Variants in STYXL2 observed in about 807,000 individuals in gnomAD.
STYXL2 encodes serine/threonine/tyrosine interacting like 2, also known as serine/threonine/tyrosine-interacting-like protein 2.
A neutral mutation model predicts 52.4 loss-of-function variants in STYXL2; 44 were observed. The observed-to-expected ratio is 0.84, with a 90% CI of 0.66 to 1.08. The LOEUF (loss-of-function observed/expected upper bound fraction) is 1.08. Among genes scored for constraint, STYXL2 ranks in the 50% least tolerant of loss-of-function variants. STYXL2 has a pLI of 0.00. For synonymous variants in STYXL2, 604 were observed against 586.9 expected (o/e 1.03, Z -0.42); for missense variants, 1,604 against 1,471.7 (o/e 1.09, Z -1.47).
At position 167,128,435 on chromosome 1, in the gene STYXL2, G is replaced by A. The variant is rs370202040; in HGVS notation, c.3304G>A (p.Glu1102Lys). 5 of 1,614,040 alleles carry A rather than the reference G, an allele frequency of 3.1e-6. No individual in the cohort carries two copies. The African/African-American group carries it at 6.7e-5, about 22-fold the overall frequency. ...FMRSEEEGEKERTENREEGRF... is the reference protein window; with the variant it reads ...FMRSEEEGEKKRTENREEGRF... ...GAGGTCTGAAGAAGAGGGAGAGAAA[G>A]AGAGGACAGAAAACAGAGAAGAAGG... Residue 1102 changes from glutamate (E) to lysine (K), a missense_variant, in exon 6 of 6, where the codon GAG (glutamate) becomes AAG (lysine). Coordinates refer to ENST00000361200, the MANE Select transcript of STYXL2 (RefSeq NM_001080426.3).
chr1:167,110,097 TG>T (rs1253906347), intron 2 of STYXL2, among the ~76,000 whole-genome samples: 2 of 152,198 alleles, frequency 1.3e-5, no homozygotes, highest in East Asian at 3.9e-4. Flanking sequence ...GTGGCTCCAC[TG>T]GGTGGCTGGA....
intron 2 of STYXL2, among the ~76,000 whole-genome samples, chr1:167,097,023 C>T: frequency 6.6e-6 from 1 of 152,192 alleles, no homozygotes; most frequent in East Asian, 1.9e-4. Context: ...GGAAATACTG[C>T]TGTCATATCA....
At chr1:167,102,685 G>A (rs1667426465) in intron 2 of STYXL2, among the ~76,000 whole-genome samples, 1 of 152,126 alleles carries the variant, frequency 6.6e-6, no homozygotes, top group Non-Finnish European at 1.5e-5. Flanking sequence ...TCTGCCATGA[G>A]CAAATCCTGT....
Position 167,125,993 on chromosome 1 carries a change from C to G in STYXL2, c.862C>G (p.Arg288Gly), listed in dbSNP as rs776576712. 8 of 1,610,828 alleles carry G rather than the reference C, an allele frequency of 5.0e-6. No individual in the cohort carries two copies. The Admixed American group carries it at 1.3e-4, about 27-fold the overall frequency. ...GGAGGAGAGAGAAGAGGACTATGGC[C>G]GGGAGGGGGGATCAGCTGAGGCTGA... ...LMEEREEDYG[R>G]EGGSAEAEEG... The change falls in exon 6 of 6, where the codon CGG (arginine) becomes GGG (glycine). Residue 288 changes from arginine to glycine, a missense_variant. Coordinates refer to ENST00000361200, the MANE Select transcript of STYXL2 (RefSeq NM_001080426.3).
rs1668020778 is a variant in STYXL2, at chr1:167,128,295, C to G, written c.3164C>G (p.Pro1055Arg). 2 of 1,613,898 alleles carry G rather than the reference C, an allele frequency of 1.2e-6. No individual in the cohort carries two copies. Among genetic ancestry groups the G allele is most frequent in the Admixed American group, 3.3e-5 (2 of 60,000 alleles). The change falls in exon 6 of 6, where the codon CCA (proline) becomes CGA (arginine). Residue 1055 changes from proline (P) to arginine (R), a missense_variant. Pro to Arg is a moderately radical substitution (Grantham distance 103). Transcript: ENST00000361200. ...TPESSEREES[P>R]EPQRPNWARS... Reference sequence around the variant, plus strand: ...GAGTCCTCAGAAAGGGAAGAGTCCCCAGAACCACAGCGCCCAAATTGGGCC... The same window carrying G: ...GAGTCCTCAGAAAGGGAAGAGTCCCGAGAACCACAGCGCCCAAATTGGGCC...
rs767351797 is a variant in STYXL2, at chr1:167,126,605, T to C, written c.1474T>C (p.Ser492Pro). ...GCTGCTGGAGATTGAGAAGGAGGCT[T>C]CCCGGAGGTACCACGCCAAGAGCAA... ...ERLLEIEKEA[S>P]RRYHAKSKRE... Residue 492 changes from serine (S) to proline (P), a missense_variant, in exon 6 of 6, where the codon TCC becomes CCC. By Grantham distance (74) the Ser-to-Pro change is moderately conservative. Coordinates refer to ENST00000361200, the MANE Select transcript of STYXL2 (RefSeq NM_001080426.3). 7 of 1,613,702 alleles carry C rather than the reference T, an allele frequency of 4.3e-6. No individual in the cohort carries two copies. The highest frequency in any genetic ancestry group is 4.2e-6 in the Non-Finnish European group (5 of 1,179,998).
rs369262761 is a variant in STYXL2, at chr1:167,100,494, A to G, written c.110+5535A>G. Reference sequence around the variant, plus strand: ...GGTGAAGGGAATCACCGAAAGGGGAAACAGGACGCAGGGAAGATTAATTCT... The same window carrying G: ...GGTGAAGGGAATCACCGAAAGGGGAGACAGGACGCAGGGAAGATTAATTCT... On this transcript the variant is annotated intron_variant, in intron 2 of 5. Coordinates refer to ENST00000361200, the MANE Select transcript of STYXL2 (RefSeq NM_001080426.3). Among the ~76,000 whole-genome samples the G allele has an allele frequency of 7.2e-5, 11 of 152,332 alleles. No homozygotes were observed. In the South Asian group the frequency reaches 2.3e-3, roughly 32 times the overall value.
At chr1:167,097,476 G>T (rs149833252) in intron 2 of STYXL2, among the ~76,000 whole-genome samples, 38 of 152,144 alleles carry the variant, frequency 2.5e-4, no homozygotes, top group Non-Finnish European at 4.7e-4. Context: ...GTTATCTTGG[G>T]AGGTTATCTG....
chr1:167,106,495 A>C (rs994185622), intron 2 of STYXL2, among the ~76,000 whole-genome samples: 1 of 152,074 alleles, frequency 6.6e-6, no homozygotes, highest in African/African-American at 2.4e-5. Context: ...TTTGCCCCAA[A>C]CCTCATTTTA....
chr1:167,125,197 T>C (rs1004792311), intron 5 of STYXL2, among the ~76,000 whole-genome samples: 2 of 152,300 alleles, frequency 1.3e-5, no homozygotes, highest in Admixed American at 6.5e-5. Flanking sequence ...ACTGGATGCT[T>C]GTTACAGAAA....
In STYXL2 at chr1:167,127,871, T is replaced by C; in HGVS notation, c.2740T>C (p.Ser914Pro). Residue 914 changes from serine to proline, a missense_variant, in exon 6 of 6, where the codon TCC (serine) becomes CCC (proline). Ser to Pro is a moderately conservative substitution (Grantham distance 74). Coordinates refer to ENST00000361200, the MANE Select transcript of STYXL2 (RefSeq NM_001080426.3). ...SQKPETDTCS[S>P]LAVCDHYASG... ...GAAACCTGAAACAGACACATGCTCCTCCCTGGCTGTCTGTGATCACTATGC... is the reference window on the plus strand; with the variant it reads ...GAAACCTGAAACAGACACATGCTCCCCCCTGGCTGTCTGTGATCACTATGC... 1 of 1,614,034 alleles carries C rather than the reference T, an allele frequency of 6.2e-7. No individual in the cohort carries two copies. The highest frequency in any genetic ancestry group is 8.5e-7 in the Non-Finnish European group (1 of 1,180,028).
intron 3 of STYXL2, among the ~76,000 whole-genome samples, chr1:167,116,639 TTTTTTTTTTTGG>T (rs1311481097): frequency 7.2e-6 from 1 of 137,948 alleles, no homozygotes; most frequent in African/African-American, 2.9e-5. Context: ...TACTTCTACT[TTTTTTTTTTTGG>T]TTTTTTTTTT....
At chr1:167,111,063 G>A (rs1327988654) in intron 2 of STYXL2, among the ~76,000 whole-genome samples, 2 of 152,084 alleles carry the variant, frequency 1.3e-5, no homozygotes, top group Admixed American at 6.5e-5. Flanking sequence ...AAGAAAAAAA[G>A]AATTTTTGAA....
rs758124971 is a variant in STYXL2, at chr1:167,117,458, G to C, written c.336G>C (p.Thr112=). The C allele has an allele frequency of 1.9e-6, 3 of 1,612,540 alleles. No homozygotes were observed. The highest frequency in any genetic ancestry group is 3.3e-5 in the Admixed American group (2 of 59,868). The part of the protein sequence containing the change: ...EKMDDTSLYN[T]PCVLDLQRAL... Reference sequence around the variant, plus strand: ...TGGATGACACCAGCCTCTATAATACGCCCTGTGTCCTGGACCTACAGCGGG... The same window carrying C: ...TGGATGACACCAGCCTCTATAATACCCCCTGTGTCCTGGACCTACAGCGGG... Residue 112 remains threonine, a synonymous_variant, in exon 4 of 6, where the codon ACG becomes ACC. Coordinates refer to ENST00000361200, the MANE Select transcript of STYXL2 (RefSeq NM_001080426.3).
rs894219923 is a variant in STYXL2, at chr1:167,128,238, G to A, written c.3107G>A (p.Ser1036Asn). ...YNETSSSREESPEPYFFRRTP... is the reference protein window; with the variant it reads ...YNETSSSREENPEPYFFRRTP... Reference sequence around the variant, plus strand: ...GAGACCTCAAGTTCCCGAGAGGAGAGCCCAGAGCCCTACTTCTTCCGCCGG... The same window carrying A: ...GAGACCTCAAGTTCCCGAGAGGAGAACCCAGAGCCCTACTTCTTCCGCCGG... The change falls in exon 6 of 6, where the codon AGC becomes AAC. Residue 1036 changes from serine (S) to asparagine (N), a missense_variant. Physicochemically the swap from Ser to Asn is conservative, Grantham distance 46. Transcript: ENST00000361200. 6.2e-7 allele frequency: 1 copy of A among 1,614,044 alleles called. No individual in the cohort carries two copies.
At position 167,112,453 on chromosome 1, in the gene STYXL2, C is replaced by T. The variant is rs150610270; in HGVS notation, c.111-1257C>T. On this transcript the variant is annotated intron_variant, in intron 2 of 5. Transcript: ENST00000361200. ...CTCAGCTCAAGTTAGCTTTGTTCAG[C>T]TCATCGGGATTCTGCTCAACTCAAC... 1.7e-3 allele frequency among the ~76,000 whole-genome samples: 252 copies of T among 152,344 alleles called. 1 individual carries two copies. Among genetic ancestry groups the T allele is most frequent in the Non-Finnish European group, 2.6e-3 (180 of 68,030 alleles).
At chr1:167,119,579 A>C in intron 5 of STYXL2, 113 bp downstream of exon 5, 1 of 863,522 alleles carries the variant, frequency 1.2e-6, no homozygotes, top group Non-Finnish European at 1.8e-6. Context: ...TGTCTTAAGA[A>C]GGCTGTTTTC....
chr1:167,105,838 C>A (rs867966999), intron 2 of STYXL2, among the ~76,000 whole-genome samples: 5 of 152,256 alleles, frequency 3.3e-5, no homozygotes, highest in African/African-American at 1.2e-4. Flanking sequence ...TTTAATGTTG[C>A]TCACATTTTA....
rs150498762 is a variant in STYXL2, at chr1:167,117,357, G to T, written c.235G>T (p.Ala79Ser). The T allele has an allele frequency of 3.7e-6, 6 of 1,611,082 alleles. No homozygotes were observed. The highest frequency in any genetic ancestry group is 1.1e-5 in the South Asian group (1 of 90,268). Residue 79 changes from alanine to serine, a missense_variant, in exon 4 of 6, where the codon GCA (alanine) becomes TCA (serine). Transcript: ENST00000361200. ...ELKPPGVRAD[A>S]ECPGMLESAE... ...CAAGCCACCGGGGGTCAGAGCAGAC[G>T]CAGAGTGTCCAGGCATGCTGGAGTC...
Sources: gnomAD v4.1 joint callset for allele counts (sites outside exome capture counted in the v4.1 genomes callset) on GRCh38, gnomAD v4.1.1 for gene constraint, MANE v1.5 for transcripts, NCBI Gene and HGNC (gene_info 2026-07-23, HGNC 2026-07-21) for gene names.